Variants in BRD4 observed in about 807,000 individuals in gnomAD.
The protein encoded by BRD4 is bromodomain containing 4, also known as bromodomain-containing protein 4.
BRD4 carries 16 observed loss-of-function variants against 142.1 expected under a neutral mutation model. The observed-to-expected ratio is 0.11, with a 90% CI of 0.08 to 0.17. The LOEUF is 0.17. BRD4 is among the 10% of genes least tolerant of loss of function. The pLI, the probability that BRD4 is intolerant of heterozygous loss-of-function variation, is 1.00. For missense variants in BRD4, 1,424 were observed against 1,810.9 expected (o/e 0.79, Z 3.88); for synonymous variants, 833 against 707.5 (o/e 1.18, Z -2.82).
intron 1 of BRD4, among the ~76,000 whole-genome samples, chr19:15,289,210 G>C (rs1019267069): frequency 3.9e-5 from 6 of 152,112 alleles, no homozygotes; most frequent in Non-Finnish European, 8.8e-5. Flanking sequence ...TTTCTCCCAC[G>C]ACCTTTCCAA....
chr19:15,291,826 C>T (rs903267581), intron 1 of BRD4, among the ~76,000 whole-genome samples: 3 of 152,140 alleles, frequency 2.0e-5, no homozygotes, highest in African/African-American at 4.8e-5. Context: ...CAATCCCATA[C>T]GACTTCAGTG....
Position 15,239,592 on chromosome 19 carries a change from G to A in BRD4, c.3445+67C>T, listed in dbSNP as rs2145501433. ...TGGGGCATGGTCCACCAGCCCCACA[G>A]CAAGCTTATGTCCAACACGGGCCTC... On this transcript the variant is annotated intron_variant, in intron 16 of 19. Transcript: ENST00000679869. This position sits in a 1 kb window ranked among gnomAD's most constrained non-coding sequence, Gnocchi z 7.4. 2 of 1,562,872 alleles carry A rather than the reference G, an allele frequency of 1.3e-6. No individual in the cohort carries two copies. The highest frequency in any genetic ancestry group is 1.2e-5 in the South Asian group (1 of 84,078).
At position 15,308,150 on chromosome 19, in the gene BRD4, GGGGGGGGGGGGGGGT is replaced by G. The variant is rs986988305; in HGVS notation, c.-35+24125_-35+24139del. Among the ~76,000 whole-genome samples, 2 of 35,770 alleles carry G rather than the reference GGGGGGGGGGGGGGGT, an allele frequency of 5.6e-5. 1 individual carries two copies. Among genetic ancestry groups the G allele is most frequent in the Non-Finnish European group, 1.4e-4 (2 of 14,344 alleles). 23.5% of individuals were successfully genotyped at this position (35,770 alleles called of 152,430 possible). A position where few individuals can be genotyped will look rare whatever the true frequency, so the allele number is the denominator to read the frequency against. ...AAAAAAAAAAAAGTTGCGGGGCCGGGGGGGGGGGGGGGGGTGGGTCGCGTAGTGAAGAAAAAAAAG... is the reference window on the plus strand; with the variant it reads ...AAAAAAAAAAAAGTTGCGGGGCCGGGGGGTCGCGTAGTGAAGAAAAAAAAG... On this transcript the variant is annotated intron_variant, in intron 1 of 19. Coordinates refer to ENST00000679869, the MANE Select transcript of BRD4 (RefSeq NM_001379291.1).
At position 15,243,440 on chromosome 19, in the gene BRD4, C is replaced by T; in HGVS notation, c.2629G>A (p.Ala877Thr). The change falls in exon 14 of 20, where the codon GCC becomes ACC. Residue 877 changes from alanine (A) to threonine (T), a missense_variant. By Grantham distance (58) the Ala-to-Thr change is moderately conservative. Coordinates refer to ENST00000679869, the MANE Select transcript of BRD4 (RefSeq NM_001379291.1). Reference protein sequence around the residue: ...PQQPSRPSNRAAALPPKPARP... With the variant: ...PQQPSRPSNRTAALPPKPARP... Reference sequence around the variant, plus strand: ...GCGGGCTTGGGAGGCAGGGCAGCGGCTCGGTTGCTGGGCCGTGATGGCTGC... The same window carrying T: ...GCGGGCTTGGGAGGCAGGGCAGCGGTTCGGTTGCTGGGCCGTGATGGCTGC... The T allele has an allele frequency of 6.3e-7, 1 of 1,575,262 alleles. No homozygotes were observed. The highest frequency in any genetic ancestry group is 1.2e-5 in the South Asian group (1 of 84,802).
At chr19:15,287,845 T>C (rs1012440686) in intron 1 of BRD4, among the ~76,000 whole-genome samples, 4 of 151,870 alleles carry the variant, frequency 2.6e-5, no homozygotes, top group Admixed American at 2.0e-4. Flanking sequence ...TCTAGGCTCA[T>C]TGCAACCTCC....
chr19:15,297,858 AC>A (rs2047836778), intron 1 of BRD4, among the ~76,000 whole-genome samples: 1 of 152,194 alleles, frequency 6.6e-6, no homozygotes, highest in Non-Finnish European at 1.5e-5. Flanking sequence ...TGCCCAGGAA[AC>A]CCAAGGGACC....
rs2145511590 is a variant in BRD4, at chr19:15,243,292, A to G, written c.2777T>C (p.Met926Thr). The G allele has an allele frequency of 2.4e-6, 3 of 1,250,146 alleles. No individual in the cohort carries two copies. Among genetic ancestry groups the G allele is most frequent in the Non-Finnish European group, 3.1e-6 (3 of 971,848 alleles). 77.4% of individuals were successfully genotyped at this position (1,250,146 alleles called of 1,614,324 possible). The change falls in exon 14 of 20, where the codon ATG becomes ACG. Residue 926 changes from methionine (M) to threonine (T), a missense_variant. Transcript: ENST00000679869. The part of the protein sequence containing the change: ...EEPPAPPLTS[M>T]QMQLYLQQLQ... Reference sequence around the variant, plus strand: ...CTGCTGCAGGTACAGCTGCATCTGCATGGAGGTGAGGGGTGGGGCAGGTGG... The same window carrying G: ...CTGCTGCAGGTACAGCTGCATCTGCGTGGAGGTGAGGGGTGGGGCAGGTGG...
chr19:15,249,108 T>C (rs758628665), intron 11 of BRD4: 27 of 1,079,420 alleles, frequency 2.5e-5, no homozygotes, highest in Non-Finnish European at 3.4e-5. Context: ...GGACTAGGCG[T>C]GTGCTGCTGG....
At chr19:15,321,976 A>C (rs934313728) in intron 1 of BRD4, among the ~76,000 whole-genome samples, 1 of 152,310 alleles carries the variant, frequency 6.6e-6, no homozygotes, top group East Asian at 1.9e-4. Flanking sequence ...CAGGACAGTC[A>C]TCATTGGGCA....
intron 11 of BRD4, chr19:15,253,870 A>G (rs2047376742): frequency 4.3e-6 from 5 of 1,163,764 alleles, no homozygotes; most frequent in Non-Finnish European, 6.0e-6. Flanking sequence ...CCCACCATCC[A>G]GGGCTCCGCA....
chr19:15,290,244 CAT>C (rs1266947087), intron 1 of BRD4, among the ~76,000 whole-genome samples: 1 of 152,112 alleles, frequency 6.6e-6, no homozygotes, highest in Non-Finnish European at 1.5e-5. Context: ...AGCTGACTGA[CAT>C]GTGGATTATT....
At chr19:15,292,231 G>C (rs568423144) in intron 1 of BRD4, among the ~76,000 whole-genome samples, 50 of 152,238 alleles carry the variant, frequency 3.3e-4, no homozygotes, top group Non-Finnish European at 6.3e-4. Flanking sequence ...GGAATTCTCA[G>C]AAGTTATACA....
intron 1 of BRD4, among the ~76,000 whole-genome samples, chr19:15,319,113 C>T (rs2048040317): frequency 6.6e-6 from 1 of 152,138 alleles, no homozygotes; most frequent in African/African-American, 2.4e-5. Context: ...AGGCAGGAGG[C>T]TTGCTCAAGT....
chr19:15,245,013 T>C, intron 11 of BRD4: 1 of 637,158 alleles, frequency 1.6e-6, no homozygotes, highest in Non-Finnish European at 2.6e-6. Flanking sequence ...CCTGCCAAGC[T>C]TCAGATCACC....
intron 1 of BRD4, among the ~76,000 whole-genome samples, chr19:15,318,748 G>A (rs904957340): frequency 1.3e-5 from 2 of 152,214 alleles, no homozygotes; most frequent in South Asian, 2.1e-4. Flanking sequence ...AAATCATGGA[G>A]ACAGTTTACA....
chr19:15,239,074 C>T lies in BRD4; in HGVS notation c.3767G>A (p.Arg1256Gln), dbSNP rs2047217128. ...ACCCGCCCACCTCATGCGCTCCTGC[C>T]GCAGCCGCTCCTTCTCCTTCTCAGC... ...EHAEKEKERLRQERMRSREDE... is the reference protein window; with the variant it reads ...EHAEKEKERLQQERMRSREDE... The change falls in exon 18 of 20, where the codon CGG (arginine) becomes CAG (glutamine). Residue 1256 changes from arginine (R) to glutamine (Q), a missense_variant. By Grantham distance (43) the Arg-to-Gln change is conservative. Coordinates refer to ENST00000679869, the MANE Select transcript of BRD4 (RefSeq NM_001379291.1). This position sits in a 1 kb window ranked among gnomAD's most constrained non-coding sequence, Gnocchi z 7.4. 1.9e-6 allele frequency: 3 copies of T among 1,597,418 alleles called. No homozygotes were observed. The highest frequency in any genetic ancestry group is 2.6e-6 in the Non-Finnish European group (3 of 1,175,672).
intron 1 of BRD4, among the ~76,000 whole-genome samples, chr19:15,305,023 C>CT (rs34235278): frequency 0.021 from 2,668 of 126,406 alleles, 58 homozygotes; most frequent in Non-Finnish European, 0.03. Context: ...TTAAGACCAT[C>CT]TTTTTTTTTT....
intron 1 of BRD4, among the ~76,000 whole-genome samples, chr19:15,325,997 C>CAAAAA (rs35801340): frequency 9.7e-4 from 49 of 50,460 alleles, no homozygotes; most frequent in African/African-American, 2.0e-3. Context: ...GACTCCGTCT[C>CAAAAA]AAAAAAAAAA....
chr19:15,273,669 A>C (rs1467029437), intron 1 of BRD4, among the ~76,000 whole-genome samples: 6 of 152,240 alleles, frequency 3.9e-5, no homozygotes, highest in Non-Finnish European at 7.3e-5. Flanking sequence ...TGGCCCACCC[A>C]GTCCACTGCC....
Sources: gnomAD v4.1 joint callset for allele counts (sites outside exome capture counted in the v4.1 genomes callset) on GRCh38, gnomAD v4.1.1 for gene constraint, Gnocchi (gnomAD v3.1) non-coding constraint, MANE v1.5 for transcripts, NCBI Gene and HGNC (gene_info 2026-07-23, HGNC 2026-07-21) for gene names.